The following RAB3IP variants were observed in gnomAD, a reference collection of about 807,000 sequenced individuals.
The protein encoded by RAB3IP is rab-3A-interacting protein.
A neutral mutation model predicts 59.1 loss-of-function variants in RAB3IP; 36 were observed. The ratio of observed to expected loss-of-function variants is 0.61; its 90% confidence interval spans 0.47 to 0.80. The LOEUF (loss-of-function observed/expected upper bound fraction) is 0.80, where lower values mean the gene tolerates loss of function less well. Among genes scored for constraint, RAB3IP ranks in the 30% least tolerant of loss-of-function variants. The probability of loss-of-function intolerance (pLI) is 0.00; values close to 1 mark genes in which losing one functional copy is unlikely to be tolerated. For missense variants in RAB3IP, 511 were observed against 536.0 expected (o/e 0.95, Z 0.46); for synonymous variants, 207 against 191.2 (o/e 1.08, Z -0.68).
intron 3 of RAB3IP, among the ~76,000 whole-genome samples, chr12:69,783,859 TTC>T (rs1875180721): frequency 6.6e-6 from 1 of 152,236 alleles, no homozygotes; most frequent in Non-Finnish European, 1.5e-5. Context: ...ATTATGGAGA[TTC>T]TCTTTTACTT....
intron 1 of RAB3IP, chr12:69,739,785 A>C (rs1565861656): frequency 1.3e-6 from 2 of 1,595,450 alleles, no homozygotes; most frequent in African/African-American, 2.7e-5. Flanking sequence ...GCGCGAGCTT[A>C]CTGGCTCCAG....
intron 6 of RAB3IP, among the ~76,000 whole-genome samples, chr12:69,799,189 C>T (rs1877991416): frequency 6.6e-6 from 1 of 152,182 alleles, no homozygotes; most frequent in South Asian, 2.1e-4. Context: ...CTTGGCTACA[C>T]TCAGCTCTAT....
Position 69,819,310 on chromosome 12 carries a change from T to G in RAB3IP, c.*3864T>G, listed in dbSNP as rs914294810. ...GCTTTTGGCTTGAGCTATTGCAGTT[T>G]ATTGAGATGGGGAAATACATGGTGG... On this transcript the variant is annotated 3_prime_UTR_variant, in exon 11 of 11. Transcript: ENST00000247833. 3.3e-5 allele frequency: 5 copies of G among 152,206 alleles called. No homozygotes were observed. The highest frequency in any genetic ancestry group is 4.4e-5 in the Non-Finnish European group (3 of 68,044). The allele number at this position is 152,206 out of a possible 1,614,324, so 9.4% of individuals were successfully genotyped here.
intron 8 of RAB3IP, among the ~76,000 whole-genome samples, chr12:69,802,338 A>T (rs935119760): frequency 6.6e-6 from 1 of 152,024 alleles, no homozygotes; most frequent in African/African-American, 2.4e-5. Context: ...AAGGATTCTC[A>T]CTTAAATAAA....
chr12:69,798,206 G>A (rs1167869133), intron 6 of RAB3IP, among the ~76,000 whole-genome samples: 2 of 152,168 alleles, frequency 1.3e-5, no homozygotes, highest in East Asian at 3.9e-4. Context: ...ACTTTTTAAT[G>A]ATTGCCATTG....
intron 4 of RAB3IP, among the ~76,000 whole-genome samples, chr12:69,794,046 T>C (rs1877059458): frequency 6.6e-6 from 1 of 152,186 alleles, no homozygotes; most frequent in South Asian, 2.1e-4. Flanking sequence ...TGTTAATGTT[T>C]TTACTTGTCC....
At chr12:69,801,976 G>A (rs1367220950) in intron 8 of RAB3IP, among the ~76,000 whole-genome samples, 2 of 141,292 alleles carry the variant, frequency 1.4e-5, no homozygotes, top group Non-Finnish European at 3.1e-5. Flanking sequence ...TGAAAGTAAT[G>A]GCAACAAGCA....
chr12:69,779,210 G>A (rs560209874), intron 3 of RAB3IP: 6 of 143,072 alleles, frequency 4.2e-5, no homozygotes, highest in East Asian at 2.1e-4. Flanking sequence ...TCTTTGACTC[G>A]GAAAGGGAAC....
Position 69,759,557 on chromosome 12 carries a change from C to T in RAB3IP, c.510+2894C>T, listed in dbSNP as rs143050415. ...GGAGCTCCTCACTTCCCAGAAGGGG[C>T]GGCCGGGCAGAGGCGCCTCCGACCT... On this transcript the variant is annotated intron_variant, in intron 3 of 10. Transcript: ENST00000247833. Among the ~76,000 whole-genome samples the T allele has an allele frequency of 6.0e-3, 903 of 151,534 alleles. 12 individuals are homozygous for T. The highest frequency in any genetic ancestry group is 0.049 in the East Asian group (248 of 5,018).
At chr12:69,770,478 T>G (rs1337764692) in intron 3 of RAB3IP, among the ~76,000 whole-genome samples, 2 of 152,216 alleles carry the variant, frequency 1.3e-5, no homozygotes, top group East Asian at 3.8e-4. Flanking sequence ...TTTTTATTGT[T>G]TTTTCTCAAC....
intron 3 of RAB3IP, among the ~76,000 whole-genome samples, chr12:69,768,143 G>C (rs1314171207): frequency 6.6e-6 from 1 of 151,500 alleles, no homozygotes; most frequent in Non-Finnish European, 1.5e-5. Flanking sequence ...ACTGTACCGT[G>C]ATCTGCATCC....
intron 1 of RAB3IP, among the ~76,000 whole-genome samples, chr12:69,747,294 G>T (rs894637274): frequency 2.1e-5 from 1 of 48,390 alleles, no homozygotes; most frequent in Non-Finnish European, 3.8e-5. Context: ...TTGCCCTTTC[G>T]TGTGTGTGTG....
At chr12:69,799,864 C>G (rs1878102172) in intron 6 of RAB3IP, among the ~76,000 whole-genome samples, 1 of 152,066 alleles carries the variant, frequency 6.6e-6, no homozygotes, top group East Asian at 1.9e-4. Flanking sequence ...AGAGGAACTC[C>G]AGCATTTTTG....
At chr12:69,767,583 T>TTC (rs1872428965) in intron 3 of RAB3IP, among the ~76,000 whole-genome samples, 1 of 152,214 alleles carries the variant, frequency 6.6e-6, no homozygotes, top group African/African-American at 2.4e-5. Context: ...CAGCCCTAAG[T>TTC]TCTCTGCATG....
intron 3 of RAB3IP, among the ~76,000 whole-genome samples, chr12:69,776,144 G>T (rs1873887564): frequency 1.6e-4 from 1 of 6,288 alleles, no homozygotes; most frequent in Admixed American, 1.8e-3. Context: ...AGTCTTGGGA[G>T]AGTGTATGTG....
rs552878345 is a variant in RAB3IP at position 69,765,778 on chromosome 12, A to G, written c.510+9115A>G. On this transcript the variant is annotated intron_variant, in intron 3 of 10. Coordinates refer to ENST00000247833, the MANE Select transcript of RAB3IP (RefSeq NM_022456.5). ...ATCTCTAATTTTTGTGGTAGCAGGT[A>G]TCATTCTTTTGTTTCTATGTTTAGA... Among the ~76,000 whole-genome samples the G allele has an allele frequency of 8.6e-4, 131 of 152,226 alleles. 1 individual carries two copies. The highest frequency in any genetic ancestry group is 1.6e-3 in the Non-Finnish European group (106 of 68,038).
intron 1 of RAB3IP, chr12:69,739,693 G>C (rs2136084742): frequency 3.0e-6 from 2 of 669,404 alleles, no homozygotes; most frequent in Middle Eastern, 3.2e-4. Context: ...CTTGTGTTCG[G>C]GGGAGTTGAG....
At chr12:69,797,728 G>GTGTTCTCC (rs1266107561) in intron 6 of RAB3IP, among the ~76,000 whole-genome samples, 1 of 149,138 alleles carries the variant, frequency 6.7e-6, no homozygotes, top group East Asian at 2.0e-4. Flanking sequence ...CTGTGTCCAT[G>GTGTTCTCC]TGTTCTCCTT....
chr12:69,793,810 G>A (rs1877021763), intron 4 of RAB3IP, among the ~76,000 whole-genome samples: 1 of 152,134 alleles, frequency 6.6e-6, no homozygotes, highest in African/African-American at 2.4e-5. Context: ...GAGATGACAT[G>A]AGTAAATGTC....
Sources: allele counts gnomAD v4.1 joint callset (sites outside exome capture counted in the v4.1 genomes callset), GRCh38; gene constraint gnomAD v4.1.1; transcripts MANE v1.5; gene names NCBI Gene and HGNC (gene_info 2026-07-23, HGNC 2026-07-21).